HERC4: variants seen among roughly 807,000 people sequenced by gnomAD.
The protein encoded by HERC4 is HECT and RLD domain containing E3 ubiquitin protein ligase 4.
Under a neutral mutation model 124.3 loss-of-function variants are expected in HERC4, and 28 were observed. The ratio of observed to expected loss-of-function variants is 0.23; its 90% CI spans 0.17 to 0.31. The LOEUF (loss-of-function observed/expected upper bound fraction) is 0.31. Among genes scored for constraint, HERC4 ranks in the 10% least tolerant of loss-of-function variants. The pLI is 1.00. For synonymous variants in HERC4, 407 were observed against 421.5 expected (o/e 0.97, Z 0.42); for missense variants, 713 against 1,229.3 (o/e 0.58, Z 6.28).
At chr10:67,974,011 C>T (rs1216682229) in intron 15 of HERC4, among the ~76,000 whole-genome samples, 1 of 143,656 alleles carries the variant, frequency 7.0e-6, no homozygotes, top group Non-Finnish European at 1.5e-5. Context: ...CACGCCACTG[C>T]ACTCTAGCCT....
At chr10:68,053,353 G>C (rs2040407875) in intron 3 of HERC4, among the ~76,000 whole-genome samples, 1 of 151,330 alleles carries the variant, frequency 6.6e-6, no homozygotes, top group African/African-American at 2.4e-5. Flanking sequence ...GCCCAGGATG[G>C]AGTGCAGTGG....
intron 15 of HERC4, among the ~76,000 whole-genome samples, chr10:67,979,878 G>A (rs996971585): frequency 8.6e-5 from 13 of 151,782 alleles, no homozygotes; most frequent in Admixed American, 1.3e-4. Context: ...TGGAGCTTGC[G>A]GTGAGCCGAG....
intron 9 of HERC4, among the ~76,000 whole-genome samples, chr10:68,006,496 T>C (rs1211255129): frequency 2.0e-5 from 3 of 151,616 alleles, no homozygotes; most frequent in African/African-American, 7.3e-5. Flanking sequence ...CTCAGCCTCC[T>C]GAGTAGCTGG....
At chr10:67,994,909 C>G (rs532308281) in intron 9 of HERC4, 1 of 172,552 alleles carries the variant, frequency 5.8e-6, no homozygotes, top group East Asian at 1.8e-4. Flanking sequence ...AGGCTGGTCT[C>G]GAACTCCTGA....
intron 16 of HERC4, chr10:67,965,981 C>T (rs1038009143): frequency 3.3e-5 from 5 of 152,170 alleles, no homozygotes; most frequent in African/African-American, 4.8e-5. Context: ...AAAGACTTAG[C>T]TGCATAAAAA....
rs755384955 is a variant in HERC4 at position 68,014,054 on chromosome 10, G to A, written c.1041C>T (p.Pro347=). ...TATCTGGTAGACACTGCCCATTATA[G>A]GGGTACCAATTTCCTTTTACAGTAA... is the stretch of plus-strand genomic sequence containing the variant. ...SPFTVKGNWY[P]YNGQCLPDID... Residue 347 remains proline (P), a synonymous_variant, in exon 9 of 25, where the codon CCC becomes CCT. Transcript: ENST00000373700. 1 of 1,612,618 alleles carries A rather than the reference G, an allele frequency of 6.2e-7. No homozygotes were observed. Among genetic ancestry groups the A allele is most frequent in the Non-Finnish European group, 8.5e-7 (1 of 1,179,328 alleles).
At chr10:68,020,574 G>T (rs367999542) in intron 8 of HERC4, among the ~76,000 whole-genome samples, 2 of 151,764 alleles carry the variant, frequency 1.3e-5, no homozygotes, top group East Asian at 1.9e-4. Flanking sequence ...AGACCACCCC[G>T]GCTAAAAAAA....
chr10:68,010,932 G>A, intron 9 of HERC4: 1 of 1,188,726 alleles, frequency 8.4e-7, no homozygotes, highest in East Asian at 2.5e-5. Flanking sequence ...CACATTTTCA[G>A]GCTTTAGTTC....
Position 67,969,744 on chromosome 10 carries a change from G to A in HERC4, c.1807-2942C>T, listed in dbSNP as rs1384574456. Among the ~76,000 whole-genome samples the A allele has an allele frequency of 3.9e-5, 6 of 152,116 alleles. No homozygotes were observed. In the South Asian group the frequency reaches 1.2e-3, roughly 31 times the overall value. ...GACTAGAGGTCTGCAATTGCTGGGG[G>A]AGGGAGCAGAAACTGCCACACAAAA... On this transcript the variant is annotated intron_variant, in intron 15 of 24. Coordinates refer to ENST00000373700, the MANE Select transcript of HERC4 (RefSeq NM_015601.4).
At chr10:68,067,843 C>T (rs2133838557) in intron 3 of HERC4, 1 of 152,326 alleles carries the variant, frequency 6.6e-6, no homozygotes, top group South Asian at 2.1e-4. Flanking sequence ...TACCTATAAA[C>T]TCTGCCAATC....
intron 8 of HERC4, among the ~76,000 whole-genome samples, chr10:68,024,197 T>C (rs781708994): frequency 3.3e-5 from 5 of 152,140 alleles, no homozygotes; most frequent in Non-Finnish European, 7.4e-5. Flanking sequence ...GGTACTCAAG[T>C]AAGTCATGGA....
At chr10:67,928,965 G>A (rs914447157) in intron 23 of HERC4, among the ~76,000 whole-genome samples, 1 of 151,852 alleles carries the variant, frequency 6.6e-6, no homozygotes, top group Non-Finnish European at 1.5e-5. Context: ...CCCTCTGGAG[G>A]CTTAGAATTC....
chr10:68,065,990 A>C (rs2041283579), intron 3 of HERC4, among the ~76,000 whole-genome samples: 1 of 152,228 alleles, frequency 6.6e-6, no homozygotes, highest in Non-Finnish European at 1.5e-5. Flanking sequence ...AAATGAAAAA[A>C]AAAAATCCAG....
intron 4 of HERC4, 34 bp downstream of exon 4, chr10:68,044,370 T>C (rs2039915828): frequency 6.4e-7 from 1 of 1,573,660 alleles, no homozygotes; most frequent in Admixed American, 2.0e-5. Flanking sequence ...TTTTAAAAGA[T>C]TGTTAAGGAC....
intron 16 of HERC4, chr10:67,959,153 G>T: frequency 6.3e-7 from 1 of 1,579,056 alleles, no homozygotes; most frequent in East Asian, 2.3e-5. Context: ...CAGCAGTGCA[G>T]AATATAACAA....
chr10:68,070,967 C>T lies in HERC4; in HGVS notation c.226+1916G>A, dbSNP rs901736091. Among the ~76,000 whole-genome samples the T allele has an allele frequency of 5.3e-5, 8 of 152,302 alleles. No individual in the cohort carries two copies. The East Asian group carries it at 5.8e-4, about 11-fold the overall frequency. On this transcript the variant is annotated intron_variant, in intron 3 of 24. Coordinates refer to ENST00000373700, the MANE Select transcript of HERC4 (RefSeq NM_015601.4). ...TGTCCTAGGCTCAAAGTGCATGGCA[C>T]ATCATGTCTAATTTCCAGTTCTCTC...
intron 3 of HERC4, among the ~76,000 whole-genome samples, chr10:68,066,732 G>A (rs2041321612): frequency 6.6e-6 from 1 of 152,098 alleles, no homozygotes; most frequent in East Asian, 1.9e-4. Flanking sequence ...GTTAGACAAG[G>A]GGATATATAC....
At chr10:68,063,108 G>T (rs1428706329) in intron 3 of HERC4, among the ~76,000 whole-genome samples, 2 of 150,854 alleles carry the variant, frequency 1.3e-5, no homozygotes, top group Non-Finnish European at 3.0e-5. Context: ...TATTTTAATT[G>T]CCTTTCTATT....
At chr10:67,927,421 TATATA>T (rs1334871420) in intron 23 of HERC4, among the ~76,000 whole-genome samples, 376 of 11,792 alleles carry the variant, frequency 0.032, 14 homozygotes, top group Non-Finnish European at 0.045. Context: ...TATATATATA[TATATA>T]TATATTTTTT....
Sources: allele counts gnomAD v4.1 joint callset (sites outside exome capture counted in the v4.1 genomes callset), GRCh38; gene constraint gnomAD v4.1.1; transcripts MANE v1.5; gene names NCBI Gene and HGNC (gene_info 2026-07-23, HGNC 2026-07-21).